DLG5: variants seen among roughly 807,000 people sequenced by gnomAD.
DLG5 encodes disks large homolog 5.
Under a neutral mutation model 189.8 loss-of-function variants are expected in DLG5, and 48 were observed. The ratio of observed to expected loss-of-function variants is 0.25; its 90% confidence interval spans 0.20 to 0.32. The LOEUF is 0.32. Among genes scored for constraint, DLG5 ranks in the 10% least tolerant of loss-of-function variants. The probability of loss-of-function intolerance (pLI) is 1.00; values close to 1 mark genes in which losing one functional copy is unlikely to be tolerated. For missense variants in DLG5, 2,160 were observed against 2,544.7 expected, an observed-to-expected ratio of 0.85 and a Z score of 3.25; for synonymous variants, 1,016 against 1,054.1, an observed-to-expected ratio of 0.96 and a Z score of 0.70.
intron 5 of DLG5, among the ~76,000 whole-genome samples, chr10:77,847,446 G>A (rs188892341): frequency 4.2e-4 from 64 of 152,202 alleles, no homozygotes; most frequent in Non-Finnish European, 8.7e-4. Flanking sequence ...AAAGAGGCTC[G>A]CAGGCCCCAA....
intron 1 of DLG5, among the ~76,000 whole-genome samples, chr10:77,904,361 T>C (rs997864626): frequency 3.3e-5 from 5 of 152,076 alleles, no homozygotes; most frequent in African/African-American, 9.6e-5. Context: ...CTGTGGACTT[T>C]TGGATTAATT....
chr10:77,825,408 A>ACACACACACACACACACC, intron 13 of DLG5, among the ~76,000 whole-genome samples: 1 of 150,814 alleles, frequency 6.6e-6, no homozygotes, highest in Non-Finnish European at 1.5e-5. Flanking sequence ...ACACACACAC[A>ACACACACACACACACACC]CACACACAGT....
upstream of DLG5, chr10:77,929,064 GTC>G (rs2131895123): frequency 1.3e-5 from 2 of 152,114 alleles, no homozygotes; most frequent in Non-Finnish European, 2.9e-5. Context: ...TTGAGACAGA[GTC>G]TCACTCTGTC....
chr10:77,801,377 T>C (rs1193243531), intron 27 of DLG5, among the ~76,000 whole-genome samples: 1 of 150,680 alleles, frequency 6.6e-6, no homozygotes, highest in Non-Finnish European at 1.5e-5. Flanking sequence ...GAAAAAAGAG[T>C]AGAAAACAAC....
chr10:77,805,986 G>T lies in DLG5; in HGVS notation c.4968-125C>A, dbSNP rs932723417. On this transcript the variant is annotated intron_variant, in intron 26 of 31. Transcript: ENST00000372391. ...GGGCTCCCCCCACACTCCTTGGCAGGTCTCAAGGCTACATCTCCTCCCACG... is the reference window on the plus strand; with the variant it reads ...GGGCTCCCCCCACACTCCTTGGCAGTTCTCAAGGCTACATCTCCTCCCACG... 5 of 930,206 alleles carry T rather than the reference G, an allele frequency of 5.4e-6. 1 individual carries two copies. Among genetic ancestry groups the T allele is most frequent in the Non-Finnish European group, 8.0e-6 (5 of 621,230 alleles). 57.6% of individuals were successfully genotyped at this position (930,206 alleles called of 1,614,324 possible).
At position 77,821,721 on chromosome 10, in the gene DLG5, G is replaced by A. The variant is rs201321402; in HGVS notation, c.2763C>T (p.Thr921=). Residue 921 remains threonine (T), a synonymous_variant, in exon 15 of 32, where the codon ACC becomes ACT. Transcript: ENST00000372391. ...RGRRPLLPFE[T]EVGPCGVGEA... is the part of the protein sequence containing the mutation. ...CCCCAACCCCACAGGGGCCCACCTC[G>A]GTCTCAAAGGGCAGCAGTGGCCGCC... 1.0e-3 allele frequency: 1,623 copies of A among 1,611,046 alleles called. 3 individuals carry two copies. Among genetic ancestry groups the A allele is most frequent in the Non-Finnish European group, 1.3e-3 (1,563 of 1,179,164 alleles).
At chr10:77,876,170 T>TA (rs555146576) in intron 1 of DLG5, among the ~76,000 whole-genome samples, 291 of 143,608 alleles carry the variant, frequency 2.0e-3, no homozygotes, top group East Asian at 0.011. Context: ...ATCACTGCGC[T>TA]AAAAAAAAAA....
intron 1 of DLG5, among the ~76,000 whole-genome samples, chr10:77,882,821 G>C (rs1353172689): frequency 6.6e-6 from 1 of 151,644 alleles, no homozygotes; most frequent in Non-Finnish European, 1.5e-5. Flanking sequence ...TACTCGGGAG[G>C]GTGAGGCACG....
At chr10:77,807,986 G>A in intron 24 of DLG5, 42 bp from the exon 25 acceptor site, 1 of 1,602,058 alleles carries the variant, frequency 6.2e-7, no homozygotes, top group South Asian at 1.1e-5. Context: ...GCAGAAGCCA[G>A]GGGGCAGCTT....
intron 1 of DLG5, among the ~76,000 whole-genome samples, chr10:77,914,300 G>A (rs180720982): frequency 2.6e-5 from 4 of 152,302 alleles, no homozygotes; most frequent in African/African-American, 9.6e-5. Context: ...GCCCTGGGAT[G>A]CCTCCTGATT....
intron 1 of DLG5, among the ~76,000 whole-genome samples, chr10:77,903,283 C>T (rs149054790): frequency 0.099 from 15,117 of 152,034 alleles, 1,353 homozygotes; most frequent in East Asian, 0.26. Flanking sequence ...CAAAAATTAG[C>T]CGGGCGTGGT....
chr10:77,892,659 A>G lies in DLG5; in HGVS notation c.305-23462T>C, dbSNP rs141331179. On this transcript the variant is annotated intron_variant, in intron 1 of 31. Transcript: ENST00000372391. ...TTACAAGACACCTCGCACACCAGAC[A>G]GTGAATTCCTGGAGACCAGGGTGGT... 3.9e-3 allele frequency among the ~76,000 whole-genome samples: 591 copies of G among 152,322 alleles called. 4 individuals are homozygous for G. The highest frequency in any genetic ancestry group is 0.024 in the South Asian group (118 of 4,824).
intron 5 of DLG5, among the ~76,000 whole-genome samples, chr10:77,850,841 AC>A (rs1160567242): frequency 6.6e-6 from 1 of 152,186 alleles, no homozygotes; most frequent in Admixed American, 6.5e-5. Flanking sequence ...AGATGTGCCA[AC>A]CTCGTGCTTT....
chr10:77,938,158 T>C, the DLG5 span, among the ~76,000 whole-genome samples: 1 of 152,058 alleles, frequency 6.6e-6, no homozygotes, highest in Non-Finnish European at 1.5e-5. Context: ...AAACTATTTG[T>C]TGAGGCAGGG....
rs1248655 is a variant in DLG5 at position 77,869,117 on chromosome 10, A to G, written c.373+12T>C. The G allele has an allele frequency of 0.68, 1,100,338 of 1,611,284 alleles. 378,634 individuals carry two copies. The highest frequency in any genetic ancestry group is 0.9 in the African/African-American group (67,258 of 74,828). On this transcript the variant is annotated intron_variant, in intron 2 of 31. Coordinates refer to ENST00000372391, the MANE Select transcript of DLG5 (RefSeq NM_004747.4). ...GGCCCACCCGGTGTCCTCCCCAGAC[A>G]GTGGTACTCACCCACACTGCTGAGG...
chr10:77,877,462 C>T (rs984517550), intron 1 of DLG5, among the ~76,000 whole-genome samples: 18 of 152,198 alleles, frequency 1.2e-4, no homozygotes, highest in Admixed American at 9.2e-4. Flanking sequence ...AGCAAAGGCT[C>T]CTGGAGGCTT....
intron 26 of DLG5, 53 bp downstream of exon 26, chr10:77,806,705 G>C (rs930696297): frequency 6.8e-7 from 1 of 1,474,640 alleles, no homozygotes; most frequent in South Asian, 1.2e-5. Flanking sequence ...TCCATGGCTG[G>C]TGGCCCTCGG....
chr10:77,840,887 T>C (rs1320370354), intron 7 of DLG5, among the ~76,000 whole-genome samples: 3 of 152,170 alleles, frequency 2.0e-5, no homozygotes, highest in African/African-American at 7.2e-5. Flanking sequence ...GGTCACCCCC[T>C]GGGCATCACC....
chr10:77,849,310 A>G (rs774086511), intron 5 of DLG5, among the ~76,000 whole-genome samples: 19 of 152,254 alleles, frequency 1.2e-4, no homozygotes, highest in Non-Finnish European at 2.1e-4. Context: ...CCTTGTCCAG[A>G]GAGGTTGACC....
Sources: gnomAD v4.1 joint callset for allele counts (sites outside exome capture counted in the v4.1 genomes callset) on GRCh38, gnomAD v4.1.1 for gene constraint, MANE v1.5 for transcripts, NCBI Gene and HGNC (gene_info 2026-07-23, HGNC 2026-07-21) for gene names.